SLIT1: variants seen among roughly 807,000 people sequenced by gnomAD.
SLIT1 encodes slit homolog 1 protein.
A neutral mutation model predicts 186.1 loss-of-function variants in SLIT1; 66 were observed. That is an observed-to-expected ratio of 0.35 (90% CI 0.29 to 0.44). The LOEUF is 0.44. Among genes scored for constraint, SLIT1 ranks in the 20% least tolerant of loss-of-function variants. The pLI, the probability that SLIT1 is intolerant of heterozygous loss-of-function variation, is 1.00. For synonymous variants in SLIT1, 761 were observed against 833.8 expected (o/e 0.91, Z 1.50); for missense variants, 1,638 against 2,037.4 (o/e 0.80, Z 3.77).
chr10:97,076,625 G>C (rs1849048612), intron 4 of SLIT1, among the ~76,000 whole-genome samples: 2 of 152,200 alleles, frequency 1.3e-5, no homozygotes, highest in Non-Finnish European at 2.9e-5. Flanking sequence ...CAGGGACTAG[G>C]TCTAATTCAC....
At chr10:97,127,126 T>TAAA (rs145719705) in intron 4 of SLIT1, among the ~76,000 whole-genome samples, 1 of 146,924 alleles carries the variant, frequency 6.8e-6, no homozygotes. Flanking sequence ...CCGTCTCTAC[T>TAAA]AAAAAAAAAA....
chr10:97,139,146 A>C (rs1849733318), intron 4 of SLIT1, among the ~76,000 whole-genome samples: 1 of 152,208 alleles, frequency 6.6e-6, no homozygotes, highest in Non-Finnish European at 1.5e-5. Context: ...TGAGGCTGGA[A>C]AGGAGGGCCG....
intron 25 of SLIT1, among the ~76,000 whole-genome samples, chr10:97,025,945 C>T (rs1263907511): frequency 6.6e-6 from 1 of 152,190 alleles, no homozygotes; most frequent in Non-Finnish European, 1.5e-5. Flanking sequence ...CTGTGTCAGG[C>T]ACTAGCAGGC....
At chr10:97,162,221 G>A (rs1850037684) in intron 3 of SLIT1, among the ~76,000 whole-genome samples, 1 of 151,978 alleles carries the variant, frequency 6.6e-6, no homozygotes, top group East Asian at 1.9e-4. Flanking sequence ...ATTATATTGC[G>A]AGCACATTCC....
chr10:97,060,883 G>T, intron 8 of SLIT1, 96 bp from the exon 9 acceptor site: 1 of 1,323,298 alleles, frequency 7.6e-7, no homozygotes, highest in Non-Finnish European at 1.0e-6. Flanking sequence ...GTGTACACTG[G>T]CAGTTTCTCT....
At chr10:97,050,895 C>T (rs948126572) in intron 13 of SLIT1, among the ~76,000 whole-genome samples, 2 of 152,094 alleles carry the variant, frequency 1.3e-5, no homozygotes, top group Non-Finnish European at 2.9e-5. Flanking sequence ...CAGGTGGCTT[C>T]TGTACAAACT....
At chr10:97,078,457 A>G (rs1873378) in intron 4 of SLIT1, among the ~76,000 whole-genome samples, 13,057 of 152,290 alleles carry the variant, frequency 0.086, 627 homozygotes, top group South Asian at 0.16. Flanking sequence ...CACCCAGGGT[A>G]ACATTTCCTT....
At chr10:97,015,130 G>A (rs1319089488) in intron 28 of SLIT1, among the ~76,000 whole-genome samples, 2 of 152,088 alleles carry the variant, frequency 1.3e-5, no homozygotes, top group African/African-American at 4.8e-5. Context: ...ATATCTGCAC[G>A]AGCTCTTCCC....
rs559808372 is a variant in SLIT1 at position 97,022,293 on chromosome 10, T to C, written c.2583-880A>G. Among the ~76,000 whole-genome samples the C allele has an allele frequency of 6.6e-6, 1 of 152,356 alleles. No homozygotes were observed. The highest frequency in any genetic ancestry group is 2.1e-4 in the South Asian group (1 of 4,828). On this transcript the variant is annotated intron_variant, in intron 25 of 36. Coordinates refer to ENST00000266058, the MANE Select transcript of SLIT1 (RefSeq NM_003061.3). This position sits in a 1 kb window ranked among gnomAD's most constrained non-coding sequence, Gnocchi z 4.2. ...TGCCTCCGAAGCCCATGCTCTTTTA[T>C]TTTTCTTTGCATTTTTAATTAAACA...
At chr10:97,034,865 A>C (rs1848624333) in intron 22 of SLIT1, among the ~76,000 whole-genome samples, 1 of 152,172 alleles carries the variant, frequency 6.6e-6, no homozygotes, top group Non-Finnish European at 1.5e-5. Flanking sequence ...CCTCCCGACC[A>C]GATCCAGCAC....
At chr10:97,030,208 A>C (rs1848578906) in intron 25 of SLIT1, among the ~76,000 whole-genome samples, 1 of 152,200 alleles carries the variant, frequency 6.6e-6, no homozygotes, top group African/African-American at 2.4e-5. Flanking sequence ...CTTTTAAGGA[A>C]TTCTCATAGC....
In SLIT1 at chr10:97,121,127, C is replaced by T. The variant is rs185688404; in HGVS notation, c.413+36691G>A. On this transcript the variant is annotated intron_variant, in intron 4 of 36. Transcript: ENST00000266058. ...AGACCTATTCATTGCTCCCCAGTTTCCTTTGGCTTCTGAAAATTAATTATC... is the reference window on the plus strand; with the variant it reads ...AGACCTATTCATTGCTCCCCAGTTTTCTTTGGCTTCTGAAAATTAATTATC... Among the ~76,000 whole-genome samples, 239 of 152,292 alleles carry T rather than the reference C, an allele frequency of 1.6e-3. 1 individual carries two copies. Among genetic ancestry groups the T allele is most frequent in the Non-Finnish European group, 2.9e-3 (199 of 68,026 alleles).
intron 28 of SLIT1, among the ~76,000 whole-genome samples, chr10:97,016,001 G>A (rs929901862): frequency 3.3e-5 from 5 of 152,172 alleles, no homozygotes; most frequent in African/African-American, 4.8e-5. Context: ...GAACTTGTTC[G>A]TGTCATTTTA....
At chr10:97,040,541 T>G (rs1162210509) in intron 20 of SLIT1, among the ~76,000 whole-genome samples, 2 of 152,110 alleles carry the variant, frequency 1.3e-5, no homozygotes, top group East Asian at 3.9e-4. Context: ...TTCTCCTCTT[T>G]TTTTCACTGA....
At chr10:97,093,093 A>G (rs1469848417) in intron 4 of SLIT1, among the ~76,000 whole-genome samples, 1 of 152,252 alleles carries the variant, frequency 6.6e-6, no homozygotes, top group Non-Finnish European at 1.5e-5. Context: ...TGGAGAAGCA[A>G]CAGAGGGAAA....
chr10:97,119,189 A>G (rs537550153), intron 4 of SLIT1, among the ~76,000 whole-genome samples: 2 of 152,262 alleles, frequency 1.3e-5, no homozygotes, highest in Admixed American at 6.5e-5. Context: ...CTGTAAACCC[A>G]TGGGAAACTC....
chr10:97,008,885 A>AT (rs1194031118), intron 31 of SLIT1, among the ~76,000 whole-genome samples: 6 of 149,418 alleles, frequency 4.0e-5, no homozygotes, highest in Non-Finnish European at 9.0e-5. Flanking sequence ...TTTATTTATT[A>AT]TTATTATTTT....
chr10:97,011,574 T>C (rs1464843811), intron 30 of SLIT1, among the ~76,000 whole-genome samples: 2 of 152,096 alleles, frequency 1.3e-5, no homozygotes, highest in Non-Finnish European at 2.9e-5. Context: ...TTCTCCAGCC[T>C]CCCAGTCCTC....
Position 97,004,847 on chromosome 10 carries a change from T to C in SLIT1, c.3580-24A>G. The C allele has an allele frequency of 6.2e-7, 1 of 1,613,712 alleles. No individual in the cohort carries two copies. Among genetic ancestry groups the C allele is most frequent in the African/African-American group, 1.3e-5 (1 of 74,970 alleles). On this transcript the variant is annotated intron_variant, in intron 32 of 36. Transcript: ENST00000266058. The surrounding 1 kb of genome is among the most constrained non-coding windows in gnomAD (Gnocchi z 5.1). ...ACCTGATGGGCAGTGGCACTTTCTC[T>C]CCCACCCCACCCCATGCAGCAGCGG...
Sources: gnomAD v4.1 joint callset for allele counts (sites outside exome capture counted in the v4.1 genomes callset) on GRCh38, gnomAD v4.1.1 for gene constraint, Gnocchi (gnomAD v3.1) non-coding constraint, MANE v1.5 for transcripts, NCBI Gene and HGNC (gene_info 2026-07-23, HGNC 2026-07-21) for gene names.